PITPNM2: variants seen among roughly 807,000 people sequenced by gnomAD.
PITPNM2 encodes the protein membrane-associated phosphatidylinositol transfer protein 2.
Under a neutral mutation model 132.2 loss-of-function variants are expected in PITPNM2, and 35 were observed. The observed-to-expected ratio is 0.26, with a 90% CI of 0.20 to 0.35. The LOEUF is 0.35. PITPNM2 is among the 10% of genes least tolerant of loss of function. PITPNM2 has a pLI of 1.00. For synonymous variants in PITPNM2, 738 were observed against 799.2 expected (o/e 0.92, Z 1.29); for missense variants, 1,332 against 1,912.0 (o/e 0.70, Z 5.66).
At chr12:123,104,778 C>T (rs531649020) in intron 2 of PITPNM2, among the ~76,000 whole-genome samples, 16 of 152,282 alleles carry the variant, frequency 1.1e-4, no homozygotes, top group African/African-American at 3.6e-4. Context: ...GTTTGGTGGT[C>T]TCTTCACACG....
chr12:123,049,078 G>A (rs184683376), intron 2 of PITPNM2, among the ~76,000 whole-genome samples: 8 of 152,162 alleles, frequency 5.3e-5, no homozygotes, highest in African/African-American at 1.2e-4. Context: ...AGGCTACACC[G>A]AGCTATGATT....
chr12:123,099,037 C>T lies in PITPNM2; in HGVS notation c.-96+11348G>A, dbSNP rs573949878. ...TCCATCAGATGTCAGCTGCTGCCTT[C>T]TCTCTGCTCTAGCTGCACTCTGTGC... On this transcript the variant is annotated intron_variant, in intron 2 of 25. Transcript: ENST00000320201. The surrounding 1 kb of genome is among the most constrained non-coding windows in gnomAD (Gnocchi z 4.2). 6.6e-6 allele frequency among the ~76,000 whole-genome samples: 1 copy of T among 152,274 alleles called. No homozygotes were observed. The highest frequency in any genetic ancestry group is 6.5e-5 in the Admixed American group (1 of 15,294).
chr12:122,996,615 C>G, intron 12 of PITPNM2, 38 bp from the exon 13 acceptor site: 3 of 1,612,682 alleles, frequency 1.9e-6, no homozygotes, highest in Non-Finnish European at 2.5e-6. Flanking sequence ...GCCATTCACC[C>G]GCTCGCTGGA....
At chr12:123,109,868 G>A (rs189059421) in intron 2 of PITPNM2, among the ~76,000 whole-genome samples, 1 of 152,274 alleles carries the variant, frequency 6.6e-6, no homozygotes, top group Non-Finnish European at 1.5e-5. Flanking sequence ...GCAGAACATC[G>A]GTCTTTCGTA....
chr12:123,124,116 C>T (rs1490789856), intron 1 of PITPNM2, among the ~76,000 whole-genome samples: 2 of 150,208 alleles, frequency 1.3e-5, no homozygotes, highest in Non-Finnish European at 3.0e-5. Context: ...ATTAGCCTGG[C>T]GTGGTGGCAG....
Position 123,049,522 on chromosome 12 carries a change from A to G in PITPNM2, c.-95-14837T>C, listed in dbSNP as rs566402632. Among the ~76,000 whole-genome samples, 18 of 152,296 alleles carry G rather than the reference A, an allele frequency of 1.2e-4. No homozygotes were observed. The South Asian group carries it at 3.1e-3, about 26-fold the overall frequency. ...ATTCCAGCTGCTGCCATGCCCAGGA[A>G]GCACCCATTCCCCAGGCCAGGGAAC... On this transcript the variant is annotated intron_variant, in intron 2 of 25. Transcript: ENST00000320201.
chr12:123,045,080 C>T (rs2040608843), intron 2 of PITPNM2, among the ~76,000 whole-genome samples: 1 of 152,190 alleles, frequency 6.6e-6, no homozygotes, highest in Non-Finnish European at 1.5e-5. Context: ...TCACTGGGGC[C>T]CATGCCCTCT....
At position 123,001,177 on chromosome 12, in the gene PITPNM2, A is replaced by G; in HGVS notation, c.1049-19T>C. 1.9e-6 allele frequency: 3 copies of G among 1,601,424 alleles called. No individual in the cohort carries two copies. Among genetic ancestry groups the G allele is most frequent in the Non-Finnish European group, 2.6e-6 (3 of 1,168,496 alleles). ...AGGTCCTCTGGAGAGGAGAGAGGGAAACTCAGGTGGGACTGGGAACGCTGG... is the reference window on the plus strand; with the variant it reads ...AGGTCCTCTGGAGAGGAGAGAGGGAGACTCAGGTGGGACTGGGAACGCTGG... On this transcript the variant is annotated intron_variant, in intron 8 of 25. Coordinates refer to ENST00000320201, the MANE Select transcript of PITPNM2 (RefSeq NM_020845.3).
chr12:123,071,096 C>T (rs1248479657), intron 2 of PITPNM2, among the ~76,000 whole-genome samples: 1 of 152,184 alleles, frequency 6.6e-6, no homozygotes, highest in Non-Finnish European at 1.5e-5. Context: ...CTAGCAGGTC[C>T]GACCTGGGAT....
chr12:122,996,315 C>T, intron 13 of PITPNM2, 143 bp downstream of exon 13: 1 of 1,173,496 alleles, frequency 8.5e-7, no homozygotes, highest in Non-Finnish European at 1.2e-6. Flanking sequence ...AGAGTCCAAG[C>T]CAGATGGACT....
rs2039104339 is a variant in PITPNM2, at chr12:123,009,788, G to A, written c.643+62C>T. 2.1e-6 allele frequency: 3 copies of A among 1,450,540 alleles called. No homozygotes were observed. Among genetic ancestry groups the A allele is most frequent in the African/African-American group, 1.4e-5 (1 of 71,578 alleles). 89.9% of individuals were successfully genotyped at this position (1,450,540 alleles called of 1,614,324 possible). ...GCAAAGAGAGGAGGCAGACAGGCAG[G>A]TGACAGGAGACAGAGGGGTTGGGTA... On this transcript the variant is annotated intron_variant, in intron 6 of 25. Coordinates refer to ENST00000320201, the MANE Select transcript of PITPNM2 (RefSeq NM_020845.3). This position sits in a 1 kb window ranked among gnomAD's most constrained non-coding sequence, Gnocchi z 4.8.
At chr12:123,089,712 T>G (rs888757089) in intron 2 of PITPNM2, 2 of 152,110 alleles carry the variant, frequency 1.3e-5, no homozygotes, top group Middle Eastern at 3.2e-3. Flanking sequence ...CTCTAAGAAC[T>G]GACTGTGTCT....
intron 2 of PITPNM2, among the ~76,000 whole-genome samples, chr12:123,075,359 C>T (rs1349898872): frequency 1.3e-5 from 2 of 152,244 alleles, no homozygotes; most frequent in African/African-American, 4.8e-5. Context: ...TTCTGAGTCC[C>T]AGAATCTCTG....
At chr12:123,073,532 G>T (rs954947119) in intron 2 of PITPNM2, among the ~76,000 whole-genome samples, 6 of 152,196 alleles carry the variant, frequency 3.9e-5, no homozygotes, top group African/African-American at 1.4e-4. Flanking sequence ...TGTTACAGAT[G>T]AAGAAACTGA....
At chr12:123,050,178 G>A (rs901853124) in intron 2 of PITPNM2, among the ~76,000 whole-genome samples, 1 of 152,196 alleles carries the variant, frequency 6.6e-6, no homozygotes, top group Non-Finnish European at 1.5e-5. Context: ...GGTATCTGAA[G>A]TCATCTCAGC....
intron 2 of PITPNM2, among the ~76,000 whole-genome samples, chr12:123,066,337 G>A (rs1175055167): frequency 6.6e-6 from 1 of 152,194 alleles, no homozygotes; most frequent in Non-Finnish European, 1.5e-5. Flanking sequence ...TGCAGGCAGG[G>A]GCAGAGGGTG....
At chr12:123,020,537 CCCCTGGCATGGGCAGCTGCCCA>C (rs1400605298) in intron 3 of PITPNM2, among the ~76,000 whole-genome samples, 1 of 152,166 alleles carries the variant, frequency 6.6e-6, no homozygotes, top group East Asian at 1.9e-4. Context: ...AATGGGAGAT[CCCCTGGCATGGGCAGCTGCCCA>C]CAGGGGTGTT....
chr12:123,101,570 T>C (rs990994477), intron 2 of PITPNM2, among the ~76,000 whole-genome samples: 3 of 152,194 alleles, frequency 2.0e-5, no homozygotes, highest in African/African-American at 4.8e-5. Context: ...ACAAACCTTA[T>C]TTATTTTTAC....
intron 2 of PITPNM2, chr12:123,075,757 G>C (rs1396475887): frequency 2.0e-5 from 3 of 152,332 alleles, no homozygotes; most frequent in African/African-American, 7.2e-5. Flanking sequence ...CAGCCGCTGA[G>C]AAAGGACACA....
Sources: allele counts gnomAD v4.1 joint callset (sites outside exome capture counted in the v4.1 genomes callset), GRCh38; gene constraint gnomAD v4.1.1; non-coding constraint Gnocchi (gnomAD v3.1); transcripts MANE v1.5; gene names NCBI Gene and HGNC (gene_info 2026-07-23, HGNC 2026-07-21).